SEL1L3: variants seen among roughly 807,000 people sequenced by gnomAD.
SEL1L3 encodes SEL1L family member 3.
SEL1L3 carries 76 observed loss-of-function variants against 142.8 expected under a neutral mutation model. That is an observed-to-expected ratio of 0.53 (90% CI 0.44 to 0.64). The LOEUF (loss-of-function observed/expected upper bound fraction) is 0.64. Ranked by LOEUF, SEL1L3 falls within the 30% of genes least tolerant of loss-of-function variation. The pLI, the probability that SEL1L3 is intolerant of heterozygous loss-of-function variation, is 0.00. For missense variants in SEL1L3, 1,262 were observed against 1,381.7 expected (o/e 0.91, Z 1.37); for synonymous variants, 504 against 519.6 (o/e 0.97, Z 0.41).
At chr4:25,714,552 C>CT in the SEL1L3 span, among the ~76,000 whole-genome samples, 135 of 78,412 alleles carry the variant, frequency 1.7e-3, no homozygotes, top group Middle Eastern at 0.015. Context: ...TTCTTTCTTT[C>CT]TTCTTTCTTT....
rs796936343 is a variant in SEL1L3 at position 25,811,766 on chromosome 4, TGTTG to T, written c.1564+6368_1564+6371del. ...TTTTCCTGTTTTTTTTTTTTTTTTT[TGTTG>T]TTGTTGTTGTTAGTAGCCATCCTCA... On this transcript the variant is annotated intron_variant, in intron 9 of 23. Transcript: ENST00000399878. Among the ~76,000 whole-genome samples, 3 of 143,476 alleles carry T rather than the reference TGTTG, an allele frequency of 2.1e-5. No individual in the cohort carries two copies. In the East Asian group the frequency reaches 6.0e-4, roughly 29 times the overall value. The allele number at this position is 143,476 out of a possible 152,430, so 94.1% of individuals were successfully genotyped here. A position where few individuals can be genotyped will look rare whatever the true frequency, so the allele number is the denominator to read the frequency against.
At chr4:25,721,770 C>T in the SEL1L3 span, among the ~76,000 whole-genome samples, 2 of 152,254 alleles carry the variant, frequency 1.3e-5, no homozygotes, top group Middle Eastern at 3.4e-3. Context: ...GAAAATAACC[C>T]ACCTCCCACT....
intron 15 of SEL1L3, among the ~76,000 whole-genome samples, chr4:25,781,620 G>C (rs775091704): frequency 5.9e-5 from 9 of 152,238 alleles, no homozygotes; most frequent in Admixed American, 3.9e-4. Context: ...CTGTGCACTA[G>C]GCCAGGTCCT....
chr4:25,760,994 G>A (rs1030853837), intron 20 of SEL1L3, among the ~76,000 whole-genome samples: 3 of 152,094 alleles, frequency 2.0e-5, no homozygotes, highest in Non-Finnish European at 2.9e-5. Flanking sequence ...AGAGGACAGG[G>A]TGCAGAGTCT....
intron 20 of SEL1L3, 107 bp downstream of exon 20, chr4:25,765,219 C>A: frequency 1.4e-6 from 1 of 738,336 alleles, no homozygotes; most frequent in South Asian, 1.5e-5. Context: ...GTCCCGAATT[C>A]CTGACCTCAA....
At chr4:25,858,822 G>C (rs184597692) in intron 1 of SEL1L3, among the ~76,000 whole-genome samples, 105 of 152,266 alleles carry the variant, frequency 6.9e-4, no homozygotes, top group African/African-American at 2.3e-3. Flanking sequence ...CTGACCTCGT[G>C]ATCCGCCTGC....
At chr4:25,775,455 T>A (rs536704996) in intron 17 of SEL1L3, among the ~76,000 whole-genome samples, 1 of 152,328 alleles carries the variant, frequency 6.6e-6, no homozygotes, top group Admixed American at 6.5e-5. Context: ...CAATGCTGAG[T>A]CTCAGCTAAT....
the SEL1L3 span, among the ~76,000 whole-genome samples, chr4:25,727,348 G>A: frequency 6.6e-6 from 1 of 152,224 alleles, no homozygotes; most frequent in Admixed American, 6.5e-5. Context: ...CACCATGCCT[G>A]CCCCAAATTT....
chr4:25,757,869 C>A, intron 21 of SEL1L3, 79 bp from the exon 22 acceptor site: 1 of 934,474 alleles, frequency 1.1e-6, no homozygotes, highest in South Asian at 1.4e-5. Context: ...TTCAGATCCA[C>A]AAACCTACAT....
chr4:25,808,701 G>A (rs1713770244), intron 9 of SEL1L3, among the ~76,000 whole-genome samples: 1 of 152,134 alleles, frequency 6.6e-6, no homozygotes, highest in Non-Finnish European at 1.5e-5. Flanking sequence ...TAAAAACACA[G>A]GGCATTCCTC....
At chr4:25,831,491 A>AAATAAT (rs1174295839) in intron 5 of SEL1L3, among the ~76,000 whole-genome samples, 97 of 134,814 alleles carry the variant, frequency 7.2e-4, no homozygotes, top group South Asian at 2.7e-3. Flanking sequence ...AATTATTTTT[A>AAATAAT]AATAATAATA....
At chr4:25,716,145 A>T in the SEL1L3 span, among the ~76,000 whole-genome samples, 3 of 152,170 alleles carry the variant, frequency 2.0e-5, no homozygotes, top group African/African-American at 7.2e-5. Flanking sequence ...AACTGAGAAA[A>T]GATTCGTATC....
downstream of SEL1L3, chr4:25,747,422 CT>C (rs1717309914): frequency 6.6e-6 from 1 of 152,080 alleles, no homozygotes; most frequent in Admixed American, 6.5e-5. Context: ...AAAAAAACCA[CT>C]TTCTGGTAGT....
intron 20 of SEL1L3, among the ~76,000 whole-genome samples, chr4:25,764,520 TAAG>T (rs1718588286): frequency 6.6e-6 from 1 of 152,152 alleles, no homozygotes; most frequent in Non-Finnish European, 1.5e-5. Context: ...TATTTTCAAA[TAAG>T]AAGTTTCCAA....
At chr4:25,795,526 T>C (rs1712674333) in intron 11 of SEL1L3, among the ~76,000 whole-genome samples, 1 of 152,174 alleles carries the variant, frequency 6.6e-6, no homozygotes, top group African/African-American at 2.4e-5. Flanking sequence ...CTGTACTGGA[T>C]TGACTTATCT....
At chr4:25,822,159 T>G in intron 6 of SEL1L3, 31 bp from the exon 7 acceptor site, 1 of 1,612,730 alleles carries the variant, frequency 6.2e-7, no homozygotes, top group Non-Finnish European at 8.5e-7. Flanking sequence ...TTAAGAGAGC[T>G]CCATGCCGGA....
Position 25,814,617 on chromosome 4 carries a change from G to A in SEL1L3, c.1564+3521C>T, listed in dbSNP as rs1343693614. Among the ~76,000 whole-genome samples, 4 of 152,130 alleles carry A rather than the reference G, an allele frequency of 2.6e-5. No individual in the cohort carries two copies. In the East Asian group the frequency reaches 5.8e-4, roughly 22 times the overall value. ...TAACTAGAGTCATCTGAAGCCCGCC[G>A]GAGCCAGCTAGGGCCAGACGCTGTG... On this transcript the variant is annotated intron_variant, in intron 9 of 23. Coordinates refer to ENST00000399878, the MANE Select transcript of SEL1L3 (RefSeq NM_015187.5).
At chr4:25,740,557 T>G in the SEL1L3 span, among the ~76,000 whole-genome samples, 1 of 152,248 alleles carries the variant, frequency 6.6e-6, no homozygotes, top group Non-Finnish European at 1.5e-5. Context: ...TCCAGCTTGC[T>G]CTCTCAAACA....
chr4:25,834,904 C>T (rs1715696128), intron 3 of SEL1L3, among the ~76,000 whole-genome samples: 1 of 152,214 alleles, frequency 6.6e-6, no homozygotes, highest in Non-Finnish European at 1.5e-5. Context: ...CTGGCTTTGG[C>T]TGGCTGCACC....
Sources: gnomAD v4.1 joint callset for allele counts (sites outside exome capture counted in the v4.1 genomes callset) on GRCh38, gnomAD v4.1.1 for gene constraint, MANE v1.5 for transcripts, NCBI Gene and HGNC (gene_info 2026-07-23, HGNC 2026-07-21) for gene names.